Variants in NOS1AP observed in about 807,000 individuals in gnomAD.
The protein encoded by NOS1AP is carboxyl-terminal PDZ ligand of neuronal nitric oxide synthase protein.
A neutral mutation model predicts 56.2 loss-of-function variants in NOS1AP; 21 were observed. That is an observed-to-expected ratio of 0.37 (90% confidence interval 0.26 to 0.54). NOS1AP has a LOEUF of 0.54. Ranked by LOEUF, NOS1AP falls within the 20% of genes least tolerant of loss-of-function variation. NOS1AP has a pLI of 0.84. For missense variants in NOS1AP, 522 were observed against 657.8 expected (o/e 0.79, Z 2.26); for synonymous variants, 270 against 274.6 (o/e 0.98, Z 0.17).
intron 1 of NOS1AP, among the ~76,000 whole-genome samples, chr1:162,132,614 C>A (rs1648801016): frequency 1.3e-5 from 2 of 152,184 alleles, no homozygotes; most frequent in Admixed American, 6.5e-5. Flanking sequence ...AATTGCTCAG[C>A]CTAATCTTAG....
intron 1 of NOS1AP, among the ~76,000 whole-genome samples, chr1:162,125,577 T>C (rs138352810): frequency 2.8e-3 from 431 of 152,298 alleles, no homozygotes; most frequent in Admixed American, 6.9e-3. Context: ...GAAACTTGGT[T>C]GGTTGTAAGT....
intron 4 of NOS1AP, among the ~76,000 whole-genome samples, chr1:162,308,568 C>T (rs1176801949): frequency 6.6e-6 from 1 of 152,176 alleles, no homozygotes; most frequent in African/African-American, 2.4e-5. Flanking sequence ...CACTGGACAT[C>T]CTCATATCCA....
At chr1:162,091,645 T>C (rs1639207186) in intron 1 of NOS1AP, among the ~76,000 whole-genome samples, 2 of 152,210 alleles carry the variant, frequency 1.3e-5, no homozygotes, top group Non-Finnish European at 2.9e-5. Flanking sequence ...ATATAAAGAT[T>C]TGAGAACATA....
intron 1 of NOS1AP, among the ~76,000 whole-genome samples, chr1:162,128,568 T>C (rs1648596727): frequency 6.6e-6 from 1 of 152,190 alleles, no homozygotes; most frequent in Admixed American, 6.5e-5. Context: ...CAACACACCT[T>C]AACAAAAACT....
At chr1:162,328,536 C>G (rs1197638208) in intron 4 of NOS1AP, among the ~76,000 whole-genome samples, 1 of 152,182 alleles carries the variant, frequency 6.6e-6, no homozygotes, top group Non-Finnish European at 1.5e-5. Flanking sequence ...TTGCTGTAAG[C>G]TGACCCCTCT....
intron 5 of NOS1AP, among the ~76,000 whole-genome samples, chr1:162,337,122 C>G (rs1314665248): frequency 6.6e-6 from 1 of 152,170 alleles, no homozygotes; most frequent in Non-Finnish European, 1.5e-5. Context: ...TCTTCTAGCT[C>G]TAGGAGTATA....
intron 2 of NOS1AP, among the ~76,000 whole-genome samples, chr1:162,246,138 G>T (rs990676544): frequency 1.3e-5 from 2 of 152,176 alleles, no homozygotes; most frequent in African/African-American, 2.4e-5. Flanking sequence ...TGCCCCAGAG[G>T]TAACTTAGAC....
chr1:162,334,877 G>A (rs1656888640), intron 5 of NOS1AP, among the ~76,000 whole-genome samples: 1 of 152,284 alleles, frequency 6.6e-6, no homozygotes, highest in East Asian at 1.9e-4. Context: ...TCATGAATAG[G>A]CACTGGCTAG....
intron 2 of NOS1AP, among the ~76,000 whole-genome samples, chr1:162,266,145 G>A (rs142493251): frequency 1.4e-3 from 209 of 152,272 alleles, no homozygotes; most frequent in African/African-American, 4.8e-3. Context: ...GCTGTGAAAC[G>A]AAGTTATTCT....
In NOS1AP at chr1:162,343,890, A is replaced by G. The variant is rs1657188012; in HGVS notation, c.509A>G (p.Lys170Arg). The G allele has an allele frequency of 6.2e-7, 1 of 1,614,156 alleles. No homozygotes were observed. The highest frequency in any genetic ancestry group is 8.5e-7 in the Non-Finnish European group (1 of 1,180,016). ...GGGCAGGCCTTTGAGGTCTGCCACAAGCTGAGCCTGCAGCACACGCAGCAG... is the reference window on the plus strand; with the variant it reads ...GGGCAGGCCTTTGAGGTCTGCCACAGGCTGAGCCTGCAGCACACGCAGCAG... ...TVGQAFEVCH[K>R]LSLQHTQQNA... Residue 170 changes from lysine (K) to arginine (R), a missense_variant, in exon 6 of 10, where the codon AAG becomes AGG. Lys to Arg is a conservative substitution (Grantham distance 26, BLOSUM62 2). Coordinates refer to ENST00000361897, the MANE Select transcript of NOS1AP (RefSeq NM_014697.3).
chr1:162,089,925 A>C (rs942076798), intron 1 of NOS1AP, among the ~76,000 whole-genome samples: 2 of 152,250 alleles, frequency 1.3e-5, no homozygotes, highest in Non-Finnish European at 2.9e-5. Flanking sequence ...TTAAGCCTGT[A>C]GCTTTGTCAT....
intron 1 of NOS1AP, among the ~76,000 whole-genome samples, chr1:162,098,646 C>T (rs1447877362): frequency 6.6e-6 from 1 of 152,144 alleles, no homozygotes; most frequent in East Asian, 1.9e-4. Context: ...ACGAGCTATT[C>T]TTCCTGATGC....
At chr1:162,302,600 T>C (rs1009036058) in intron 4 of NOS1AP, among the ~76,000 whole-genome samples, 1 of 152,216 alleles carries the variant, frequency 6.6e-6, no homozygotes, top group Admixed American at 6.5e-5. Flanking sequence ...AAGAAAGGAC[T>C]TTCCCCAAAG....
intron 8 of NOS1AP, chr1:162,365,007 C>G (rs1658021431): frequency 5.6e-6 from 6 of 1,067,822 alleles, no homozygotes; most frequent in Non-Finnish European, 6.8e-6. Flanking sequence ...TCCAACATGG[C>G]ATGCCATGCT....
intron 1 of NOS1AP, among the ~76,000 whole-genome samples, chr1:162,115,523 G>A (rs1341671856): frequency 6.6e-6 from 1 of 152,180 alleles, no homozygotes; most frequent in African/African-American, 2.4e-5. Flanking sequence ...TGTAATCTGG[G>A]ATGGTGAGAG....
At chr1:162,279,504 C>T (rs1050931494) in intron 2 of NOS1AP, among the ~76,000 whole-genome samples, 2 of 152,214 alleles carry the variant, frequency 1.3e-5, no homozygotes, top group East Asian at 1.9e-4. Context: ...ACCTTCTCAA[C>T]GTTCCAAACA....
chr1:162,273,854 C>G (rs143686715), intron 2 of NOS1AP, among the ~76,000 whole-genome samples: 1 of 152,086 alleles, frequency 6.6e-6, no homozygotes, highest in Non-Finnish European at 1.5e-5. Flanking sequence ...AACCAATTCC[C>G]CTCTAACTTT....
chr1:162,271,587 G>A (rs996799762), intron 2 of NOS1AP, among the ~76,000 whole-genome samples: 3 of 151,988 alleles, frequency 2.0e-5, no homozygotes, highest in Admixed American at 6.5e-5. Flanking sequence ...TCAGCCTTTC[G>A]TGTGTGCTGG....
rs555013086 is a variant in NOS1AP at position 162,183,148 on chromosome 1, C to T, written c.177+28672C>T. On this transcript the variant is annotated intron_variant, in intron 2 of 9. Transcript: ENST00000361897. ...GCAGAATGGATGGTGTGTTAACAGGCATGAAAACAACATTCATCCCCTTGA... is the reference window on the plus strand; with the variant it reads ...GCAGAATGGATGGTGTGTTAACAGGTATGAAAACAACATTCATCCCCTTGA... Among the ~76,000 whole-genome samples the T allele has an allele frequency of 6.0e-4, 92 of 152,332 alleles. 1 individual carries two copies. Among genetic ancestry groups the T allele is most frequent in the Middle Eastern group, 3.4e-3 (1 of 294 alleles).
Sources: gnomAD v4.1 joint callset for allele counts (sites outside exome capture counted in the v4.1 genomes callset) on GRCh38, gnomAD v4.1.1 for gene constraint, MANE v1.5 for transcripts, NCBI Gene and HGNC (gene_info 2026-07-23, HGNC 2026-07-21) for gene names.